The following RIMS2 variants were observed in gnomAD, a reference collection of about 807,000 sequenced individuals.
The protein encoded by RIMS2 is regulating synaptic membrane exocytosis 2.
Under a neutral mutation model 174.4 loss-of-function variants are expected in RIMS2, and 59 were observed. The observed-to-expected ratio is 0.34, with a 90% CI of 0.27 to 0.42. RIMS2 has a LOEUF of 0.42. RIMS2 is among the 10% of genes least tolerant of loss of function. The pLI is 1.00. For synonymous variants in RIMS2, 606 were observed against 572.5 expected (o/e 1.06, Z -0.84); for missense variants, 1,620 against 1,666.3 (o/e 0.97, Z 0.48).
intron 1 of RIMS2, among the ~76,000 whole-genome samples, chr8:103,572,456 T>A (rs1460185899): frequency 6.6e-6 from 1 of 152,134 alleles, no homozygotes; most frequent in African/African-American, 2.4e-5. Flanking sequence ...GAGTGCTGAT[T>A]GGTGAGTTTA....
intron 2 of RIMS2, among the ~76,000 whole-genome samples, chr8:103,730,597 C>T (rs1014099747): frequency 2.0e-5 from 3 of 152,140 alleles, no homozygotes; most frequent in Non-Finnish European, 4.4e-5. Flanking sequence ...GGTCTTTCTA[C>T]TCAAGTTATG....
chr8:104,076,979 G>A (rs1452415784), intron 19 of RIMS2, among the ~76,000 whole-genome samples: 1 of 151,964 alleles, frequency 6.6e-6, no homozygotes, highest in South Asian at 2.1e-4. Flanking sequence ...ACCACACCCA[G>A]CTAATTTTTT....
chr8:104,012,645 G>A (rs1223395173), intron 17 of RIMS2, among the ~76,000 whole-genome samples: 1 of 152,074 alleles, frequency 6.6e-6, no homozygotes, highest in African/African-American at 2.4e-5. Flanking sequence ...AACATTTATT[G>A]ATCATGTTAA....
chr8:103,795,496 G>A (rs967888567), intron 3 of RIMS2, among the ~76,000 whole-genome samples: 10 of 152,002 alleles, frequency 6.6e-5, no homozygotes, highest in Admixed American at 3.3e-4. Flanking sequence ...GAGTTAATGC[G>A]TGCAGCACAC....
At chr8:103,724,988 AC>A (rs1385441177) in intron 2 of RIMS2, among the ~76,000 whole-genome samples, 1 of 152,182 alleles carries the variant, frequency 6.6e-6, no homozygotes, top group Non-Finnish European at 1.5e-5. Flanking sequence ...AGGTGGATGA[AC>A]TGCCTGTAGA....
At chr8:104,203,546 C>T (rs1251085594) in intron 19 of RIMS2, among the ~76,000 whole-genome samples, 1 of 139,786 alleles carries the variant, frequency 7.2e-6, no homozygotes, top group Non-Finnish European at 1.5e-5. Flanking sequence ...CTCTGTCACC[C>T]AGGCTGGAGT....
intron 19 of RIMS2, among the ~76,000 whole-genome samples, chr8:104,036,946 T>C (rs2096530828): frequency 6.6e-6 from 1 of 152,128 alleles, no homozygotes; most frequent in South Asian, 2.1e-4. Context: ...TAGCAAAGTA[T>C]TTGAAAATAC....
chr8:104,019,869 T>C (rs2096039760), intron 19 of RIMS2, among the ~76,000 whole-genome samples: 1 of 152,160 alleles, frequency 6.6e-6, no homozygotes, highest in Admixed American at 6.5e-5. Flanking sequence ...CACTGTTAAT[T>C]GTCTTCCACA....
intron 1 of RIMS2, among the ~76,000 whole-genome samples, chr8:103,647,896 A>ATTTTTTTTTTTT (rs71297225): frequency 8.7e-6 from 1 of 114,570 alleles, no homozygotes; most frequent in African/African-American, 3.1e-5. Context: ...TTTTTTTTTG[A>ATTTTTTTTTTTT]TTTTTTTTTT....
intron 2 of RIMS2, among the ~76,000 whole-genome samples, chr8:103,735,065 C>T (rs2097668183): frequency 6.6e-6 from 1 of 152,208 alleles, no homozygotes; most frequent in Non-Finnish European, 1.5e-5. Flanking sequence ...AACCCACACT[C>T]AGTCTTTCCA....
At chr8:103,575,356 A>G (rs190051213) in intron 1 of RIMS2, among the ~76,000 whole-genome samples, 6 of 152,254 alleles carry the variant, frequency 3.9e-5, no homozygotes, top group African/African-American at 1.2e-4. Flanking sequence ...ACTAAAGTCA[A>G]CTGTTTTGGA....
Position 103,612,065 on chromosome 8 carries a change from G to A in RIMS2, c.177-85021G>A, listed in dbSNP as rs559579620. 8.5e-5 allele frequency among the ~76,000 whole-genome samples: 13 copies of A among 152,174 alleles called. No individual in the cohort carries two copies. The East Asian group carries it at 2.1e-3, about 25-fold the overall frequency. ...TCTGCCTGATCAGTTCTGCTACTGAGAGACTCTAATGCATTCTTCAGCATG... is the reference window on the plus strand; with the variant it reads ...TCTGCCTGATCAGTTCTGCTACTGAAAGACTCTAATGCATTCTTCAGCATG... On this transcript the variant is annotated intron_variant, in intron 1 of 23. Transcript: ENST00000504942.
chr8:103,664,555 G>A (rs904106555), intron 1 of RIMS2, among the ~76,000 whole-genome samples: 4 of 152,210 alleles, frequency 2.6e-5, no homozygotes, highest in African/African-American at 9.6e-5. Context: ...TTAGGGAAAA[G>A]CAAATCAAAA....
chr8:103,719,759 C>A (rs556729602), intron 2 of RIMS2, among the ~76,000 whole-genome samples: 1 of 152,056 alleles, frequency 6.6e-6, no homozygotes, highest in Non-Finnish European at 1.5e-5. Context: ...TATTTTCTCA[C>A]AGGCCAGAAC....
At position 104,073,805 on chromosome 8, in the gene RIMS2, A is replaced by C. The variant is rs556316005; in HGVS notation, c.3334+59190A>C. ...TCCCCAGGCTTCTAGTCTTTTAGGCACCCATTCACAGATCTCAAAGATGTA... is the reference window on the plus strand; with the variant it reads ...TCCCCAGGCTTCTAGTCTTTTAGGCCCCCATTCACAGATCTCAAAGATGTA... On this transcript the variant is annotated intron_variant, in intron 19 of 23. Coordinates refer to ENST00000504942, the Ensembl canonical transcript of RIMS2. Among the ~76,000 whole-genome samples the C allele has an allele frequency of 1.2e-3, 180 of 152,256 alleles. 6 individuals are homozygous for C. In the South Asian group the frequency reaches 0.035, roughly 30 times the overall value.
intron 19 of RIMS2, among the ~76,000 whole-genome samples, chr8:104,117,215 C>A (rs1049617931): frequency 2.6e-5 from 4 of 151,894 alleles, no homozygotes; most frequent in Non-Finnish European, 4.4e-5. Context: ...TATCACTTTG[C>A]ATATATTAAT....
intron 1 of RIMS2, among the ~76,000 whole-genome samples, chr8:103,613,210 G>T (rs2095427075): frequency 6.6e-6 from 1 of 152,144 alleles, no homozygotes; most frequent in African/African-American, 2.4e-5. Context: ...TTAGGAATTT[G>T]TCTGATGTTG....
chr8:104,103,077 AC>A (rs1382599582), intron 19 of RIMS2, among the ~76,000 whole-genome samples: 6 of 152,224 alleles, frequency 3.9e-5, no homozygotes, highest in African/African-American at 1.4e-4. Flanking sequence ...ACTGATTCAT[AC>A]TACAACATGG....
intron 1 of RIMS2, among the ~76,000 whole-genome samples, chr8:103,608,287 G>T (rs1055054469): frequency 2.1e-5 from 3 of 143,386 alleles, no homozygotes; most frequent in Admixed American, 1.4e-4. Context: ...CCCTGCTGGG[G>T]GGTGCCTCCC....
Sources: allele counts gnomAD v4.1 joint callset (sites outside exome capture counted in the v4.1 genomes callset), GRCh38; gene constraint gnomAD v4.1.1; transcripts MANE v1.5; gene names NCBI Gene and HGNC (gene_info 2026-07-23, HGNC 2026-07-21).